The following C10orf67 variants were observed in gnomAD, a reference collection of about 807,000 sequenced individuals.
C10orf67 encodes the protein chromosome 10 open reading frame 67.
Under a neutral mutation model 35.6 loss-of-function variants are expected in C10orf67, and 60 were observed. The observed-to-expected ratio is 1.68, with a 90% CI of 1.37 to 2.09. The LOEUF is 2.09. Among genes scored for constraint, C10orf67 ranks in the 30% most tolerant of loss-of-function variants. The pLI is 0.00. For synonymous variants in C10orf67, 167 were observed against 115.8 expected, an observed-to-expected ratio of 1.44 and a Z score of -2.84; for missense variants, 474 against 330.2, an observed-to-expected ratio of 1.44 and a Z score of -3.38.
chr10:23,287,668 C>T (rs1468748161), intron 7 of C10orf67, among the ~76,000 whole-genome samples: 1 of 152,178 alleles, frequency 6.6e-6, no homozygotes, highest in African/African-American at 2.4e-5. Context: ...AAGAAACTAT[C>T]ATCAGAGTGA....
At chr10:23,262,288 C>A (rs1405447794) in intron 10 of C10orf67, among the ~76,000 whole-genome samples, 1 of 146,152 alleles carries the variant, frequency 6.8e-6, no homozygotes, top group Non-Finnish European at 1.5e-5. Flanking sequence ...TTGACTCCCA[C>A]TGGGAACTGG....
At chr10:23,245,287 C>T (rs1379285033) in intron 12 of C10orf67, among the ~76,000 whole-genome samples, 1 of 152,078 alleles carries the variant, frequency 6.6e-6, no homozygotes, top group Non-Finnish European at 1.5e-5. Context: ...AAAGCTTTTT[C>T]ACATTGGCCT....
chr10:23,240,445 C>G (rs1407679811), intron 12 of C10orf67, among the ~76,000 whole-genome samples: 2 of 152,232 alleles, frequency 1.3e-5, no homozygotes, highest in African/African-American at 4.8e-5. Context: ...AAGGTTATGT[C>G]AAAAGAACAC....
Position 23,333,078 on chromosome 10 carries a change from G to T in C10orf67, c.311C>A (p.Thr104Lys), listed in dbSNP as rs368235615. 7 of 1,611,884 alleles carry T rather than the reference G, an allele frequency of 4.3e-6. No individual in the cohort carries two copies. Among genetic ancestry groups the T allele is most frequent in the African/African-American group, 4.0e-5 (3 of 74,870 alleles). Residue 104 changes from threonine to lysine, a missense_variant, in exon 2 of 16, where the codon ACG becomes AAG. Coordinates refer to ENST00000636213, the MANE Select transcript of C10orf67 (RefSeq NM_001371909.1). ...CAGATTTACCTGTGCTAACTTTTGC[G>T]TAGATGAACTCAATTCTTTTACTGA... ...ILSVKELSSS[T>K]QKLAQMMKSL...
rs562712590 is a variant in C10orf67 at position 23,292,136 on chromosome 10, C to T, written c.703-857G>A. Among the ~76,000 whole-genome samples the T allele has an allele frequency of 8.9e-5, 13 of 146,660 alleles. No individual in the cohort carries two copies. The East Asian group carries it at 1.0e-3, about 12-fold the overall frequency. On this transcript the variant is annotated intron_variant, in intron 5 of 15. Coordinates refer to ENST00000636213, the MANE Select transcript of C10orf67 (RefSeq NM_001371909.1). ...GGAGAGCTTTTTCTTACGCAATAGA[C>T]GCGCTTATTGGGACAGCTACTCTTT...
intron 4 of C10orf67, among the ~76,000 whole-genome samples, chr10:23,315,558 C>G (rs1354530385): frequency 6.6e-6 from 1 of 152,050 alleles, no homozygotes; most frequent in African/African-American, 2.4e-5. Flanking sequence ...CCCACCTCGG[C>G]CTTCCAAGTA....
chr10:23,295,247 G>C (rs1336157810), intron 5 of C10orf67, among the ~76,000 whole-genome samples: 1 of 152,224 alleles, frequency 6.6e-6, no homozygotes, highest in Non-Finnish European at 1.5e-5. Context: ...CCAGAGAACA[G>C]CCTGCTTACA....
intron 15 of C10orf67, among the ~76,000 whole-genome samples, chr10:23,209,812 C>A (rs1206876228): frequency 6.6e-6 from 1 of 151,766 alleles, no homozygotes. Flanking sequence ...CCAGCCTGGG[C>A]AACATGGCAA....
chr10:23,270,786 G>C (rs992021007), intron 8 of C10orf67, among the ~76,000 whole-genome samples: 3 of 152,192 alleles, frequency 2.0e-5, no homozygotes, highest in Admixed American at 6.5e-5. Context: ...ATGAGGAGGA[G>C]TCTCCCACAA....
intron 15 of C10orf67, among the ~76,000 whole-genome samples, chr10:23,207,758 T>G (rs571920678): frequency 2.2e-4 from 34 of 152,318 alleles, no homozygotes; most frequent in Middle Eastern, 3.4e-3. Flanking sequence ...GAAGTGATAA[T>G]CTGTATCTAA....
intron 2 of C10orf67, among the ~76,000 whole-genome samples, chr10:23,329,593 T>TTA (rs1845350607): frequency 6.6e-6 from 1 of 151,800 alleles, no homozygotes; most frequent in African/African-American, 2.4e-5. Context: ...GAAAAGAGTA[T>TTA]TATAGAGTAT....
At chr10:23,272,803 A>G (rs1843065552) in intron 8 of C10orf67, among the ~76,000 whole-genome samples, 1 of 152,216 alleles carries the variant, frequency 6.6e-6, no homozygotes, top group African/African-American at 2.4e-5. Context: ...GCTTGATAAT[A>G]TGCATCTCCT....
intron 1 of C10orf67, among the ~76,000 whole-genome samples, chr10:23,338,051 G>A (rs1426030300): frequency 2.6e-5 from 4 of 152,234 alleles, no homozygotes; most frequent in African/African-American, 9.6e-5. Flanking sequence ...AACAGATTGA[G>A]AGATGGATGT....
chr10:23,303,253 T>C (rs146354909), intron 5 of C10orf67, 51 bp downstream of exon 5: 13 of 455,614 alleles, frequency 2.9e-5, no homozygotes, highest in African/African-American at 2.2e-4. Flanking sequence ...TAACTATTTA[T>C]GACTTTATTT....
intron 1 of C10orf67, among the ~76,000 whole-genome samples, chr10:23,338,729 C>T (rs1330884225): frequency 6.6e-6 from 1 of 152,118 alleles, no homozygotes; most frequent in Non-Finnish European, 1.5e-5. Flanking sequence ...TCATTTAAGG[C>T]CAGGCACAGT....
At chr10:23,208,812 A>G (rs1281932024) in intron 15 of C10orf67, among the ~76,000 whole-genome samples, 1 of 152,252 alleles carries the variant, frequency 6.6e-6, no homozygotes, top group East Asian at 1.9e-4. Context: ...ATGTGACCCC[A>G]GCGGAGACTT....
At chr10:23,220,474 G>A (rs1841547781) in intron 15 of C10orf67, among the ~76,000 whole-genome samples, 1 of 152,294 alleles carries the variant, frequency 6.6e-6, no homozygotes, top group Admixed American at 6.5e-5. Flanking sequence ...AGCTCTGTCA[G>A]CCTCCAAAGC....
At chr10:23,314,483 AACACACACACACACACAC>A (rs56043614) in intron 4 of C10orf67, among the ~76,000 whole-genome samples, 13 of 135,834 alleles carry the variant, frequency 9.6e-5, no homozygotes, top group Admixed American at 4.5e-4. Context: ...ATTAAGTTAA[AACACACACACACACACAC>A]ACACACACAC....
At chr10:23,332,411 G>C (rs912822107) in intron 2 of C10orf67, among the ~76,000 whole-genome samples, 1 of 152,114 alleles carries the variant, frequency 6.6e-6, no homozygotes, top group Non-Finnish European at 1.5e-5. Context: ...GGCCAGGCAC[G>C]ATGGCTCACA....
Sources: allele counts gnomAD v4.1 joint callset (sites outside exome capture counted in the v4.1 genomes callset), GRCh38; gene constraint gnomAD v4.1.1; transcripts MANE v1.5; gene names NCBI Gene and HGNC (gene_info 2026-07-23, HGNC 2026-07-21).